Variants in TRIM33 observed in about 807,000 individuals in gnomAD.
The protein encoded by TRIM33 is E3 ubiquitin-protein ligase TRIM33.
In TRIM33, 20 loss-of-function variants were observed where a neutral mutation model predicts 125.4. The observed-to-expected ratio is 0.16, with a 90% confidence interval of 0.11 to 0.23. The LOEUF (loss-of-function observed/expected upper bound fraction) is 0.23, where lower values mean the gene tolerates loss of function less well. Among genes scored for constraint, TRIM33 ranks in the 10% least tolerant of loss-of-function variants. The pLI is 1.00. For missense variants in TRIM33, 920 were observed against 1,411.4 expected, an observed-to-expected ratio of 0.65 and a Z score of 5.58; for synonymous variants, 564 against 513.9, an observed-to-expected ratio of 1.10 and a Z score of -1.32.
At chr1:114,480,257 T>C (rs2101479248) in intron 1 of TRIM33, among the ~76,000 whole-genome samples, 1 of 152,206 alleles carries the variant, frequency 6.6e-6, no homozygotes, top group Admixed American at 6.5e-5. Context: ...AGATGTGCTT[T>C]GTTAAACAGA....
intron 8 of TRIM33, among the ~76,000 whole-genome samples, chr1:114,426,151 G>A (rs1050346556): frequency 6.6e-6 from 1 of 152,108 alleles, no homozygotes; most frequent in African/African-American, 2.4e-5. Context: ...TCACAAAATC[G>A]TCTTCTGTGG....
At chr1:114,409,058 C>T (rs766351216) in intron 12 of TRIM33, among the ~76,000 whole-genome samples, 1 of 152,142 alleles carries the variant, frequency 6.6e-6, no homozygotes, top group Non-Finnish European at 1.5e-5. Context: ...TAATTATTTT[C>T]AGAAGTCCTG....
intron 1 of TRIM33, among the ~76,000 whole-genome samples, chr1:114,473,506 A>G (rs1650783221): frequency 6.6e-6 from 1 of 152,102 alleles, no homozygotes; most frequent in African/African-American, 2.4e-5. Context: ...TTTGGCAGGA[A>G]AAATGGTTAT....
intron 1 of TRIM33, among the ~76,000 whole-genome samples, chr1:114,469,952 T>C (rs1417576147): frequency 2.0e-5 from 3 of 152,204 alleles, no homozygotes; most frequent in Non-Finnish European, 2.9e-5. Context: ...TAGAGTAACA[T>C]ATATTTAGAT....
At chr1:114,400,498 C>A (rs532714844) in intron 17 of TRIM33, among the ~76,000 whole-genome samples, 3 of 152,186 alleles carry the variant, frequency 2.0e-5, no homozygotes, top group Admixed American at 6.5e-5. Context: ...CCACCATGCC[C>A]GGCCAAGAAG....
At position 114,402,806 on chromosome 1, in the gene TRIM33, C is replaced by T. The variant is rs777363745; in HGVS notation, c.2846G>A (p.Ser949Asn). The T allele has an allele frequency of 1.2e-6, 2 of 1,614,122 alleles. No individual in the cohort carries two copies. Among genetic ancestry groups the T allele is most frequent in the Admixed American group, 3.3e-5 (2 of 60,008 alleles). The change falls in exon 16 of 20, where the codon AGT becomes AAT. Residue 949 changes from serine to asparagine, a missense_variant. Ser to Asn is a conservative substitution (Grantham distance 46). This residue lies in a region of TRIM33 where 122 missense variants were observed against 236.8 expected (regional missense o/e 0.52). Transcript: ENST00000358465. ...CCCCTGCGCAGTTTTCCCCTTCTTACTATGTTGCAAATTATCACAATCATA... is the reference window on the plus strand; with the variant it reads ...CCCCTGCGCAGTTTTCCCCTTCTTATTATGTTGCAAATTATCACAATCATA... ...VEYDCDNLQH[S>N]KKGKTAQGLS...
At chr1:114,401,028 C>CA (rs1428260989) in intron 17 of TRIM33, among the ~76,000 whole-genome samples, 3 of 142,450 alleles carry the variant, frequency 2.1e-5, no homozygotes, top group Non-Finnish European at 4.6e-5. Flanking sequence ...AGGCCATACT[C>CA]TTTTTTTTTT....
chr1:114,507,155 A>G (rs959962974), intron 1 of TRIM33, among the ~76,000 whole-genome samples: 16 of 152,408 alleles, frequency 1.0e-4, no homozygotes, highest in African/African-American at 3.6e-4. Context: ...TAAAATGAGA[A>G]GTCAAAGTCT....
rs895690268 is a variant in TRIM33, at chr1:114,465,944, G to A, written c.527-1556C>T. ...TGTATTCCCAGCTACTCAGGAGGGC[G>A]AGATAGGAGAATCGCTTGAACCCGG... is the stretch of plus-strand genomic sequence containing the variant. On this transcript the variant is annotated intron_variant, in intron 1 of 19. Transcript: ENST00000358465. Among the ~76,000 whole-genome samples the A allele has an allele frequency of 9.2e-5, 14 of 152,064 alleles. No homozygotes were observed. The East Asian group carries it at 1.7e-3, about 19-fold the overall frequency.
At chr1:114,464,669 G>A (rs897389674) in intron 1 of TRIM33, among the ~76,000 whole-genome samples, 9 of 152,108 alleles carry the variant, frequency 5.9e-5, no homozygotes, top group East Asian at 1.9e-4. Flanking sequence ...CCTGATCTTC[G>A]GAAACTATGA....
intron 1 of TRIM33, among the ~76,000 whole-genome samples, chr1:114,506,628 G>A (rs1484127643): frequency 1.3e-5 from 2 of 152,000 alleles, no homozygotes; most frequent in African/African-American, 4.8e-5. Context: ...TCAGCCTCCT[G>A]AGTAGCAAAT....
At chr1:114,468,257 G>A in intron 1 of TRIM33, 1 of 236,534 alleles carries the variant, frequency 4.2e-6, no homozygotes, top group Non-Finnish European at 8.3e-6. Context: ...GCTGCTGCTG[G>A]GGGCTAGGGC....
At chr1:114,496,549 A>C (rs995127804) in intron 1 of TRIM33, among the ~76,000 whole-genome samples, 7 of 152,268 alleles carry the variant, frequency 4.6e-5, no homozygotes, top group African/African-American at 7.2e-5. Context: ...TAGGTTGTTT[A>C]GGAAAAAAGT....
intron 11 of TRIM33, among the ~76,000 whole-genome samples, chr1:114,419,200 CAAAAA>C (rs35757503): frequency 3.7e-5 from 2 of 54,318 alleles, no homozygotes; most frequent in African/African-American, 6.2e-5. Flanking sequence ...GACACCATCT[CAAAAA>C]AAAAAAAAAA....
intron 4 of TRIM33, among the ~76,000 whole-genome samples, chr1:114,445,237 G>A (rs1170926541): frequency 6.6e-6 from 1 of 152,112 alleles, no homozygotes; most frequent in Non-Finnish European, 1.5e-5. Flanking sequence ...GAGACTTGGG[G>A]TGTTTTTTGT....
intron 1 of TRIM33, among the ~76,000 whole-genome samples, chr1:114,495,886 T>G (rs1457967498): frequency 1.3e-5 from 2 of 152,330 alleles, no homozygotes; most frequent in Non-Finnish European, 2.9e-5. Flanking sequence ...GAAATCAAAT[T>G]TATTACTAAT....
intron 4 of TRIM33, 111 bp downstream of exon 4, chr1:114,462,993 G>A (rs1650083656): frequency 1.3e-6 from 1 of 799,334 alleles, no homozygotes; most frequent in Non-Finnish European, 1.8e-6. Context: ...GTAAAATACA[G>A]ATTTAAAAGA....
At chr1:114,502,619 A>G (rs963126399) in intron 1 of TRIM33, among the ~76,000 whole-genome samples, 2 of 152,048 alleles carry the variant, frequency 1.3e-5, no homozygotes, top group Non-Finnish European at 2.9e-5. Flanking sequence ...TGATCCTCCC[A>G]CCTCAGCATC....
At chr1:114,407,670 T>G (rs576506171) in intron 13 of TRIM33, among the ~76,000 whole-genome samples, 51 of 152,304 alleles carry the variant, frequency 3.3e-4, no homozygotes, top group Non-Finnish European at 4.3e-4. Flanking sequence ...GATGGAATAA[T>G]GTTCAGTGTT....
Sources: allele counts gnomAD v4.1 joint callset (sites outside exome capture counted in the v4.1 genomes callset), GRCh38; gene constraint gnomAD v4.1.1; regional missense constraint gnomAD v4.1.1; transcripts MANE v1.5; gene names NCBI Gene and HGNC (gene_info 2026-07-23, HGNC 2026-07-21).